The following MEIOB variants were observed in gnomAD, a reference collection of about 807,000 sequenced individuals.
MEIOB encodes the protein meiosis-specific with OB domain-containing protein.
A neutral mutation model predicts 53.1 loss-of-function variants in MEIOB; 50 were observed. That is an observed-to-expected ratio of 0.94 (90% CI 0.75 to 1.19). The LOEUF (loss-of-function observed/expected upper bound fraction) is 1.19, where lower values mean the gene tolerates loss of function less well. Among genes scored for constraint, MEIOB ranks in the 50% most tolerant of loss-of-function variants. The pLI is 0.00. For synonymous variants in MEIOB, 192 were observed against 182.5 expected, an observed-to-expected ratio of 1.05 and a Z score of -0.42; for missense variants, 551 against 550.8, an observed-to-expected ratio of 1.00 and a Z score of 0.00.
intron 4 of MEIOB, among the ~76,000 whole-genome samples, chr16:1,861,567 G>T: frequency 7.8e-6 from 1 of 128,176 alleles, no homozygotes; most frequent in Non-Finnish European, 1.6e-5. Context: ...TTTTGAGACA[G>T]GGTCTTACTC....
At chr16:1,843,761 TAGTG>T (rs1190452020) in intron 10 of MEIOB, among the ~76,000 whole-genome samples, 1 of 151,332 alleles carries the variant, frequency 6.6e-6, no homozygotes, top group African/African-American at 2.4e-5. Context: ...AACACAACAT[TAGTG>T]AGGATGTGAA....
chr16:1,834,940 AC>A (rs140912036), intron 13 of MEIOB, among the ~76,000 whole-genome samples: 1,717 of 98,592 alleles, frequency 0.017, 4 homozygotes, highest in Admixed American at 0.023. Flanking sequence ...TGTCCCCCCC[AC>A]CCCCCCCCAC....
chr16:1,862,417 T>C (rs1899470320), intron 3 of MEIOB, among the ~76,000 whole-genome samples: 1 of 152,214 alleles, frequency 6.6e-6, no homozygotes, highest in Admixed American at 6.5e-5. Context: ...ACTTGAGCCA[T>C]CCAGGTATTA....
chr16:1,842,992 G>C (rs1027801528), intron 10 of MEIOB, among the ~76,000 whole-genome samples: 1 of 35,550 alleles, frequency 2.8e-5, no homozygotes, highest in Non-Finnish European at 5.2e-5. Flanking sequence ...ATGGGGAAGA[G>C]AATTTAAAAG....
Position 1,837,794 on chromosome 16 carries a change from A to C in MEIOB, c.1295T>G (p.Ile432Ser), listed in dbSNP as rs996835338. ...KWQFLLERSK[I>S]YLKFVLSHRA... ...ATAAAATGCACTAACTTTTAAATAA[A>C]TTTTGCTTCTTTCCAAGAGAAATTG... is the stretch of plus-strand genomic sequence containing the variant. Residue 432 changes from isoleucine to serine, a missense_variant, in exon 13 of 14, where the codon ATT (isoleucine) becomes AGT (serine). Coordinates refer to ENST00000325962, the MANE Select transcript of MEIOB (RefSeq NM_001163560.3). The C allele has an allele frequency of 4.6e-6, 7 of 1,512,136 alleles. 1 individual carries two copies. The highest frequency in any genetic ancestry group is 2.1e-5 in the Admixed American group (1 of 47,686). 93.7% of individuals were successfully genotyped at this position (1,512,136 alleles called of 1,614,324 possible). A position where few individuals can be genotyped will look rare whatever the true frequency, so the allele number is the denominator to read the frequency against.
intron 6 of MEIOB, among the ~76,000 whole-genome samples, chr16:1,854,652 G>A (rs573023905): frequency 3.1e-4 from 47 of 152,232 alleles, no homozygotes; most frequent in African/African-American, 1.1e-3. Context: ...CATATCTGTG[G>A]TATAAAAAGT....
intron 1 of MEIOB, among the ~76,000 whole-genome samples, chr16:1,871,250 T>C (rs1264543162): frequency 6.6e-6 from 1 of 151,120 alleles, no homozygotes; most frequent in Admixed American, 6.6e-5. Context: ...GACAGAGTCT[T>C]GCTCTGTCGC....
intron 11 of MEIOB, chr16:1,841,208 G>A (rs978368090): frequency 3.3e-5 from 5 of 151,734 alleles, no homozygotes; most frequent in African/African-American, 1.2e-4. Context: ...AGTAGAGATG[G>A]TGTTTCGCTA....
At chr16:1,859,187 A>T (rs551286473) in intron 5 of MEIOB, among the ~76,000 whole-genome samples, 59 of 152,362 alleles carry the variant, frequency 3.9e-4, no homozygotes, top group African/African-American at 1.4e-3. Context: ...TGAGTCAATA[A>T]CCCAAAGAAG....
At chr16:1,839,649 A>AC in intron 11 of MEIOB, 1 of 490,582 alleles carries the variant, frequency 2.0e-6, no homozygotes. Flanking sequence ...AACTGCGTAC[A>AC]CCAGTCCTCT....
At position 1,839,298 on chromosome 16, in the gene MEIOB, C is replaced by T; in HGVS notation, c.1175G>A (p.Cys392Tyr). Residue 392 changes from cysteine (C) to tyrosine (Y), a missense_variant, in exon 12 of 14, where the codon TGT becomes TAT. Coordinates refer to ENST00000325962, the MANE Select transcript of MEIOB (RefSeq NM_001163560.3). The stretch of plus-strand genomic sequence containing the variant: ...CTCAGCAACACTTCCTGTGAGACTA[C>T]AGGAATGAAGGGTGCCTGTGTGATC... The part of the protein sequence containing the change: ...LTDHTGTLHS[C>Y]SLTGSVAEET... 6.2e-7 allele frequency: 1 copy of T among 1,613,928 alleles called. No homozygotes were observed.
At chr16:1,862,170 C>T (rs1294937273) in intron 3 of MEIOB, 54 bp from the exon 4 acceptor site, 47 of 1,442,894 alleles carry the variant, frequency 3.3e-5, no homozygotes, top group East Asian at 5.0e-5. Context: ...AATCGCTTCT[C>T]TGCCTTTTGA....
chr16:1,847,263 A>T (rs1438652452), intron 9 of MEIOB, among the ~76,000 whole-genome samples: 1 of 151,978 alleles, frequency 6.6e-6, no homozygotes, highest in South Asian at 2.1e-4. Context: ...GGAGTTCAAG[A>T]CCAGGCTGGC....
Position 1,862,069 on chromosome 16 carries a change from G to A in MEIOB, c.175C>T (p.Pro59Ser). Reference protein sequence around the residue: ...YTFSFTIRDSPAHFVNAASWG... With the variant: ...YTFSFTIRDSSAHFVNAASWG... Reference sequence around the variant, plus strand: ...GAAGCTGCATTTACAAAATGTGCTGGTGAATCCCGAATGGTGAAGCTGAAA... The same window carrying A: ...GAAGCTGCATTTACAAAATGTGCTGATGAATCCCGAATGGTGAAGCTGAAA... The change falls in exon 4 of 14, where the codon CCA (proline) becomes TCA (serine). Residue 59 changes from proline (P) to serine (S), a missense_variant. Coordinates refer to ENST00000325962, the MANE Select transcript of MEIOB (RefSeq NM_001163560.3). The A allele has an allele frequency of 6.4e-7, 1 of 1,551,262 alleles. No individual in the cohort carries two copies.
intron 9 of MEIOB, 129 bp from the exon 10 acceptor site, chr16:1,845,092 G>A (rs937829349): frequency 1.8e-5 from 10 of 554,600 alleles, no homozygotes; most frequent in African/African-American, 3.8e-5. Flanking sequence ...AGAATATTAC[G>A]TGGCCATTAA....
At chr16:1,859,417 T>C (rs1015407060) in intron 5 of MEIOB, among the ~76,000 whole-genome samples, 2 of 152,036 alleles carry the variant, frequency 1.3e-5, no homozygotes, top group East Asian at 1.9e-4. Flanking sequence ...GGCGTGTGCC[T>C]GTAATCACAG....
intron 9 of MEIOB, among the ~76,000 whole-genome samples, chr16:1,850,858 T>G (rs1233286306): frequency 6.8e-6 from 1 of 146,274 alleles, no homozygotes; most frequent in African/African-American, 2.5e-5. Context: ...GAGGCGGAGC[T>G]TGCAGTGAGC....
At chr16:1,834,472 T>C in intron 13 of MEIOB, 106 bp from the exon 14 acceptor site, 1 of 619,576 alleles carries the variant, frequency 1.6e-6, no homozygotes, top group Non-Finnish European at 2.9e-6. Context: ...AATGAAAGTT[T>C]TGTTTACAGA....
At chr16:1,848,785 C>T (rs1899088467) in intron 9 of MEIOB, among the ~76,000 whole-genome samples, 1 of 152,046 alleles carries the variant, frequency 6.6e-6, no homozygotes, top group South Asian at 2.1e-4. Context: ...CTCAAGTGAT[C>T]CGCCCACCTC....
Sources: gnomAD v4.1 joint callset for allele counts (sites outside exome capture counted in the v4.1 genomes callset) on GRCh38, gnomAD v4.1.1 for gene constraint, MANE v1.5 for transcripts, NCBI Gene and HGNC (gene_info 2026-07-23, HGNC 2026-07-21) for gene names.